Variants in UBR2 observed in about 807,000 individuals in gnomAD.
UBR2 encodes E3 ubiquitin-protein ligase UBR2.
A neutral mutation model predicts 247.9 loss-of-function variants in UBR2; 92 were observed. The ratio of observed to expected loss-of-function variants is 0.37; its 90% CI spans 0.31 to 0.44. The LOEUF (loss-of-function observed/expected upper bound fraction) is 0.44. UBR2 is among the 20% of genes least tolerant of loss of function. The probability of loss-of-function intolerance (pLI) is 1.00; values close to 1 mark genes in which losing one functional copy is unlikely to be tolerated. For synonymous variants in UBR2, 672 were observed against 693.5 expected (o/e 0.97, Z 0.49); for missense variants, 1,613 against 2,112.6 (o/e 0.76, Z 4.64).
Position 42,617,511 on chromosome 6 carries a change from AG to A in UBR2, c.1281+5del. 6.4e-7 allele frequency: 1 copy of A among 1,550,750 alleles called. No homozygotes were observed. The highest frequency in any genetic ancestry group is 8.7e-7 in the Non-Finnish European group (1 of 1,146,814). ...GATATTCACGGTTCCTTCACTTGTA[AG>A]TACTGAAAGACTAGAAGAACTTTCT... On this transcript the variant is annotated splice_donor_5th_base_variant and intron_variant, in intron 11 of 46. Transcript: ENST00000372901.
intron 25 of UBR2, among the ~76,000 whole-genome samples, chr6:42,653,421 G>A (rs903851553): frequency 1.1e-4 from 16 of 151,766 alleles, no homozygotes; most frequent in Admixed American, 2.6e-4. Context: ...AATGTAAGCC[G>A]TTCGTACACT....
chr6:42,690,233 G>A (rs766756490), intron 46 of UBR2, among the ~76,000 whole-genome samples: 13 of 152,140 alleles, frequency 8.5e-5, no homozygotes. Context: ...AGTTTTAACC[G>A]CCATAGATAT....
At chr6:42,683,163 C>A in intron 43 of UBR2, 52 bp downstream of exon 43, 1 of 1,492,750 alleles carries the variant, frequency 6.7e-7, no homozygotes, top group South Asian at 1.1e-5. Flanking sequence ...AGGGTGGAAT[C>A]AGGATATAAG....
At position 42,605,808 on chromosome 6, in the gene UBR2, T is replaced by A; in HGVS notation, c.750T>A (p.Val250=). The part of the protein sequence containing the change: ...EQVIYTLQKA[V]NCTQKEAIGF... ...TTATTTATACTCTTCAGAAAGCTGT[T>A]AACTGTACACAAAAAGAAGCTATTG... Residue 250 remains valine (V), a synonymous_variant, in exon 6 of 47, where the codon GTT becomes GTA. Transcript: ENST00000372901. 1 of 1,613,166 alleles carries A rather than the reference T, an allele frequency of 6.2e-7. No individual in the cohort carries two copies. Among genetic ancestry groups the A allele is most frequent in the Non-Finnish European group, 8.5e-7 (1 of 1,179,640 alleles).
intron 22 of UBR2, 86 bp from the exon 23 acceptor site, chr6:42,650,198 G>A: frequency 8.9e-7 from 1 of 1,120,910 alleles, no homozygotes; most frequent in South Asian, 1.5e-5. Flanking sequence ...TGAGAGCTCT[G>A]CTTTCTTGTT....
rs1250892288 is a variant in UBR2 at position 42,659,191 on chromosome 6, A to G, written c.3242+367A>G. 6.6e-6 allele frequency among the ~76,000 whole-genome samples: 1 copy of G among 152,188 alleles called. No individual in the cohort carries two copies. Among genetic ancestry groups the G allele is most frequent in the Non-Finnish European group, 1.5e-5 (1 of 68,042 alleles). ...CTTGACAATCCAAGTTATCAAAACC[A>G]TGTGTTAAATATATACATTCCTGGC... On this transcript the variant is annotated intron_variant, in intron 29 of 46. Transcript: ENST00000372901. This position sits in a 1 kb window ranked among gnomAD's most constrained non-coding sequence, Gnocchi z 4.3.
At chr6:42,669,926 T>C (rs1166858499) in intron 34 of UBR2, among the ~76,000 whole-genome samples, 166 bp from the exon 35 acceptor site, 1 of 152,204 alleles carries the variant, frequency 6.6e-6, no homozygotes, top group Admixed American at 6.5e-5. Flanking sequence ...GTCTAACTCC[T>C]CTTGGGCAGG....
intron 3 of UBR2, among the ~76,000 whole-genome samples, chr6:42,593,003 A>T (rs1792764318): frequency 6.6e-6 from 1 of 151,954 alleles, no homozygotes; most frequent in African/African-American, 2.4e-5. Context: ...GTGAAACCCC[A>T]TCTCTACTAA....
chr6:42,622,299 G>A (rs550316136), intron 11 of UBR2, among the ~76,000 whole-genome samples: 1 of 151,230 alleles, frequency 6.6e-6, no homozygotes, highest in Non-Finnish European at 1.5e-5. Context: ...GATTACAGGC[G>A]TGAGCCACTG....
chr6:42,573,009 G>T (rs534047396), intron 1 of UBR2, among the ~76,000 whole-genome samples: 5 of 152,234 alleles, frequency 3.3e-5, no homozygotes, highest in African/African-American at 9.6e-5. Context: ...GGATACCCAG[G>T]TTGAGCTGGA....
chr6:42,594,213 G>T lies in UBR2; in HGVS notation c.440G>T (p.Gly147Val), dbSNP rs1367014897. 6.2e-7 allele frequency: 1 copy of T among 1,612,132 alleles called. No homozygotes were observed. The highest frequency in any genetic ancestry group is 8.5e-7 in the Non-Finnish European group (1 of 1,178,784). The stretch of plus-strand genomic sequence containing the variant: ...AAGATGACAACATCAGGAGGTGGAG[G>T]TTTCTGTGACTGTGGTGATACTGAA... ...RYRMTTSGGG[G>V]FCDCGDTEAW... The change falls in exon 4 of 47, where the codon GGT (glycine) becomes GTT (valine). Residue 147 changes from glycine to valine, a missense_variant. By Grantham distance (109) the Gly-to-Val change is moderately radical. Around this residue, in one of 3 missense-constraint regions of UBR2, gnomAD observed 1,524 missense variants for 1,967.3 expected, o/e 0.77. Coordinates refer to ENST00000372901, the MANE Select transcript of UBR2 (RefSeq NM_001363705.2).
At chr6:42,682,935 TG>T (rs1158685832) in intron 42 of UBR2, 119 bp from the exon 43 acceptor site, 3 of 779,698 alleles carry the variant, frequency 3.8e-6, no homozygotes, top group East Asian at 5.7e-5. Context: ...TTTCTTTTGA[TG>T]AAGTAAATAT....
chr6:42,658,841 A>AG lies in UBR2; in HGVS notation c.3242+17_3242+18insG. 2 of 1,535,724 alleles carry AG rather than the reference A, an allele frequency of 1.3e-6. No homozygotes were observed. The highest frequency in any genetic ancestry group is 1.8e-4 in the Middle Eastern group (1 of 5,666). On this transcript the variant is annotated intron_variant, in intron 29 of 46. Coordinates refer to ENST00000372901, the MANE Select transcript of UBR2 (RefSeq NM_001363705.2). ...TGATCATAGGTAAAAAAAAAAAAAAAAAAAATTAATGTCTTGACGAGTTTT... is the reference window on the plus strand; with the variant it reads ...TGATCATAGGTAAAAAAAAAAAAAAAGAAAAATTAATGTCTTGACGAGTTTT...
intron 35 of UBR2, 94 bp from the exon 36 acceptor site, chr6:42,670,566 C>T: frequency 1.2e-6 from 1 of 849,100 alleles, no homozygotes; most frequent in Non-Finnish European, 1.8e-6. Context: ...ATTGTACTTT[C>T]TGTAGGATTG....
intron 13 of UBR2, 117 bp downstream of exon 13, chr6:42,633,021 C>G: frequency 3.0e-6 from 2 of 671,352 alleles, no homozygotes; most frequent in Non-Finnish European, 4.5e-6. Context: ...ACTGTGTTGC[C>G]CAGGGTGGAG....
At position 42,564,311 on chromosome 6, in the gene UBR2, G is replaced by A. The variant is rs1394919042; in HGVS notation, c.-9G>A. 1.2e-6 allele frequency: 2 copies of A among 1,608,334 alleles called. No homozygotes were observed. Among genetic ancestry groups the A allele is most frequent in the Admixed American group, 3.4e-5 (2 of 59,012 alleles). On this transcript the variant is annotated 5_prime_UTR_variant, in exon 1 of 47. Coordinates refer to ENST00000372901, the MANE Select transcript of UBR2 (RefSeq NM_001363705.2). ...GCGGCGGTAGCGCTGGGGAGGAGGA[G>A]GAGAGAAGATGGCGTCGGAGCTAGA...
intron 32 of UBR2, among the ~76,000 whole-genome samples, chr6:42,664,564 C>T (rs964395048): frequency 4.6e-5 from 7 of 152,164 alleles, no homozygotes; most frequent in Admixed American, 4.6e-4. Context: ...TTTAGGAGTT[C>T]AAACTTTGGT....
rs769886858 is a variant in UBR2 at position 42,635,436 on chromosome 6, C to T, written c.1564C>T (p.Arg522Cys). The T allele has an allele frequency of 2.5e-6, 4 of 1,613,502 alleles. No homozygotes were observed. Among genetic ancestry groups the T allele is most frequent in the South Asian group, 1.1e-5 (1 of 90,918 alleles). ...KCMQGMDPIT[R>C]QVGQHIEMEP... ...CGTTAAGGGAATGGATCCAATTACA[C>T]GTCAAGTAGGACAACATATTGAAAT... Residue 522 changes from arginine to cysteine, a missense_variant, in exon 14 of 47, where the codon CGT (arginine) becomes TGT (cysteine). By Grantham distance (180) the Arg-to-Cys change is radical (BLOSUM62 -3). Coordinates refer to ENST00000372901, the MANE Select transcript of UBR2 (RefSeq NM_001363705.2).
chr6:42,677,345 T>C (rs1243999350), intron 40 of UBR2, among the ~76,000 whole-genome samples: 1 of 152,254 alleles, frequency 6.6e-6, no homozygotes, highest in Admixed American at 6.5e-5. Context: ...AGTAGTTTGC[T>C]TAGCTTTCAA....
Sources: allele counts gnomAD v4.1 joint callset (sites outside exome capture counted in the v4.1 genomes callset), GRCh38; gene constraint gnomAD v4.1.1; regional missense constraint gnomAD v4.1.1; non-coding constraint Gnocchi (gnomAD v3.1); transcripts MANE v1.5; gene names NCBI Gene and HGNC (gene_info 2026-07-23, HGNC 2026-07-21).